The following PDE4B variants were observed in gnomAD, a reference collection of about 807,000 sequenced individuals.
PDE4B encodes the protein phosphodiesterase 4B, also known as 3',5'-cyclic-AMP phosphodiesterase 4B.
A neutral mutation model predicts 82.2 loss-of-function variants in PDE4B; 20 were observed. That is an observed-to-expected ratio of 0.24 (90% CI 0.17 to 0.35). The LOEUF is 0.35. PDE4B is among the 10% of genes least tolerant of loss of function. The pLI is 1.00. For missense variants in PDE4B, 655 were observed against 907.2 expected (o/e 0.72, Z 3.57); for synonymous variants, 320 against 318.9 (o/e 1.00, Z -0.04).
intron 3 of PDE4B, among the ~76,000 whole-genome samples, chr1:66,199,507 C>A (rs1648678223): frequency 6.6e-6 from 1 of 151,884 alleles, no homozygotes; most frequent in East Asian, 1.9e-4. Context: ...ATTGTAGATT[C>A]TGGATATTAG....
At chr1:65,907,537 A>G (rs1647040858) in intron 1 of PDE4B, among the ~76,000 whole-genome samples, 1 of 152,130 alleles carries the variant, frequency 6.6e-6, no homozygotes, top group Non-Finnish European at 1.5e-5. Flanking sequence ...TTTATCCGGC[A>G]TGTCTTCCTT....
At chr1:65,798,386 G>C (rs1570944977) in intron 1 of PDE4B, among the ~76,000 whole-genome samples, 1 of 87,806 alleles carries the variant, frequency 1.1e-5, no homozygotes, top group Non-Finnish European at 1.9e-5. Flanking sequence ...AGCCTCCCGA[G>C]TAGCTGGGAC....
intron 1 of PDE4B, among the ~76,000 whole-genome samples, chr1:65,813,087 A>T (rs1288777440): frequency 6.6e-6 from 1 of 152,182 alleles, no homozygotes; most frequent in Non-Finnish European, 1.5e-5. Flanking sequence ...CTACCGAGGG[A>T]GTTCAGGAAT....
intron 3 of PDE4B, among the ~76,000 whole-genome samples, chr1:65,968,515 C>T (rs1649971282): frequency 6.6e-6 from 1 of 151,300 alleles, no homozygotes; most frequent in Admixed American, 6.6e-5. Flanking sequence ...TTAATTCACT[C>T]ATTGTTTAAA....
chr1:66,019,740 A>G (rs559696120), intron 3 of PDE4B, among the ~76,000 whole-genome samples: 2 of 152,312 alleles, frequency 1.3e-5, no homozygotes, highest in East Asian at 3.9e-4. Flanking sequence ...CAGAAACAGA[A>G]AGGATTAGAT....
intron 7 of PDE4B, among the ~76,000 whole-genome samples, chr1:66,286,752 G>A (rs567912208): frequency 6.6e-6 from 1 of 152,270 alleles, no homozygotes; most frequent in South Asian, 2.1e-4. Flanking sequence ...GGGGTCGTGA[G>A]GGAGCTTCCT....
intron 3 of PDE4B, among the ~76,000 whole-genome samples, chr1:65,975,011 A>G (rs1372052536): frequency 6.6e-6 from 1 of 152,214 alleles, no homozygotes; most frequent in Non-Finnish European, 1.5e-5. Flanking sequence ...TAACTGGGTA[A>G]TGCTCAAAGG....
At chr1:65,878,046 A>G (rs992007273) in intron 1 of PDE4B, among the ~76,000 whole-genome samples, 20 of 152,148 alleles carry the variant, frequency 1.3e-4, no homozygotes, top group Admixed American at 9.8e-4. Flanking sequence ...CAAGAAAAAA[A>G]AAACAACCTA....
At chr1:66,029,816 G>A (rs1653663988) in intron 3 of PDE4B, among the ~76,000 whole-genome samples, 2 of 151,946 alleles carry the variant, frequency 1.3e-5, no homozygotes, top group African/African-American at 4.8e-5. Context: ...TTTTATATAT[G>A]CTTAAATTTG....
chr1:66,021,659 C>T (rs1366220725), intron 3 of PDE4B, among the ~76,000 whole-genome samples: 2 of 152,088 alleles, frequency 1.3e-5, no homozygotes, highest in Non-Finnish European at 2.9e-5. Context: ...CTGTTCTGTT[C>T]CATTGATCTA....
chr1:66,209,569 A>AG (rs1649858154), intron 3 of PDE4B, among the ~76,000 whole-genome samples: 2 of 152,212 alleles, frequency 1.3e-5, no homozygotes, highest in South Asian at 4.1e-4. Flanking sequence ...ACATGTTTTA[A>AG]GTGTGATACA....
At chr1:66,040,519 GA>G (rs1342566781) in intron 3 of PDE4B, among the ~76,000 whole-genome samples, 2 of 151,806 alleles carry the variant, frequency 1.3e-5, no homozygotes, top group East Asian at 1.9e-4. Context: ...AGGCACCTAG[GA>G]AAAAAAGGTT....
intron 3 of PDE4B, among the ~76,000 whole-genome samples, chr1:66,219,013 T>A (rs1025471060): frequency 6.6e-6 from 1 of 152,182 alleles, no homozygotes; most frequent in Non-Finnish European, 1.5e-5. Context: ...AGTGTTCCTG[T>A]CTTCTCAGTT....
chr1:65,911,685 C>T (rs900409394), intron 1 of PDE4B, among the ~76,000 whole-genome samples: 6 of 152,052 alleles, frequency 3.9e-5, no homozygotes. Context: ...AGAGGGGCAT[C>T]GTAGTTCTAA....
chr1:66,327,401 G>A (rs945819433), intron 7 of PDE4B, among the ~76,000 whole-genome samples: 2 of 152,100 alleles, frequency 1.3e-5, no homozygotes, highest in Non-Finnish European at 2.9e-5. Context: ...CATGCACAAA[G>A]GAGTCAACAA....
chr1:65,829,914 G>A (rs1646062768), intron 1 of PDE4B, among the ~76,000 whole-genome samples: 1 of 152,110 alleles, frequency 6.6e-6, no homozygotes, highest in South Asian at 2.1e-4. Flanking sequence ...GTGTAAATTA[G>A]CTCTTTCTGT....
intron 3 of PDE4B, among the ~76,000 whole-genome samples, chr1:65,980,162 A>G (rs935834575): frequency 2.0e-5 from 3 of 152,220 alleles, no homozygotes; most frequent in African/African-American, 7.2e-5. Context: ...ACACATCTAT[A>G]TAAAATACAT....
chr1:65,819,631 C>G (rs1029932998), intron 1 of PDE4B, among the ~76,000 whole-genome samples: 9 of 151,598 alleles, frequency 5.9e-5, no homozygotes, highest in Non-Finnish European at 1.2e-4. Flanking sequence ...CCTTGAGTAG[C>G]TGGGACTATA....
intron 7 of PDE4B, among the ~76,000 whole-genome samples, chr1:66,296,409 C>T (rs1657516598): frequency 2.6e-5 from 4 of 152,156 alleles, no homozygotes; most frequent in Admixed American, 2.6e-4. Flanking sequence ...AGTTGATGTG[C>T]TGACCCTCAT....
Sources: gnomAD v4.1 joint callset for allele counts (sites outside exome capture counted in the v4.1 genomes callset) on GRCh38, gnomAD v4.1.1 for gene constraint, MANE v1.5 for transcripts, NCBI Gene and HGNC (gene_info 2026-07-23, HGNC 2026-07-21) for gene names.